The following NRXN3 variants were observed in gnomAD, a reference collection of about 807,000 sequenced individuals.
NRXN3 encodes neurexin III.
A neutral mutation model predicts 137.6 loss-of-function variants in NRXN3; 32 were observed. That is an observed-to-expected ratio of 0.23 (90% CI 0.18 to 0.31). The LOEUF (loss-of-function observed/expected upper bound fraction) is 0.31, where lower values mean the gene tolerates loss of function less well. NRXN3 is among the 10% of genes least tolerant of loss of function. The pLI is 1.00. For missense variants in NRXN3, 1,574 were observed against 2,062.5 expected, an observed-to-expected ratio of 0.76 and a Z score of 4.59; for synonymous variants, 798 against 784.5, an observed-to-expected ratio of 1.02 and a Z score of -0.29.
intron 15 of NRXN3, among the ~76,000 whole-genome samples, chr14:79,033,231 G>A (rs774224533): frequency 1.3e-5 from 2 of 151,906 alleles, no homozygotes; most frequent in Non-Finnish European, 2.9e-5. Context: ...AACCTCTATC[G>A]TACATTTCAC....
intron 16 of NRXN3, among the ~76,000 whole-genome samples, chr14:79,476,984 G>A (rs1468946203): frequency 6.6e-6 from 1 of 152,084 alleles, no homozygotes; most frequent in Non-Finnish European, 1.5e-5. Context: ...ATTTACTTGG[G>A]ATTGTTGGAG....
chr14:78,261,946 A>G (rs549583588), intron 2 of NRXN3, among the ~76,000 whole-genome samples: 1 of 152,364 alleles, frequency 6.6e-6, no homozygotes, highest in South Asian at 2.1e-4. Flanking sequence ...ATGAACTTAC[A>G]AATGAGTGGA....
intron 4 of NRXN3, among the ~76,000 whole-genome samples, chr14:78,315,506 G>A (rs1423775435): frequency 1.3e-5 from 2 of 152,220 alleles, no homozygotes; most frequent in East Asian, 3.9e-4. Context: ...GAACCGAAAG[G>A]AAGTGTATGA....
At chr14:78,801,941 T>G (rs2098840409) in intron 8 of NRXN3, among the ~76,000 whole-genome samples, 1 of 152,230 alleles carries the variant, frequency 6.6e-6, no homozygotes, top group South Asian at 2.1e-4. Context: ...TACAGTTACT[T>G]GTGCATTCTG....
intron 10 of NRXN3, among the ~76,000 whole-genome samples, chr14:78,872,964 C>G (rs1182988781): frequency 6.6e-6 from 1 of 152,194 alleles, no homozygotes; most frequent in Non-Finnish European, 1.5e-5. Context: ...AACAGATTCT[C>G]TGAGTGTGTT....
chr14:79,783,800 G>A (rs1441938405), intron 19 of NRXN3, among the ~76,000 whole-genome samples: 2 of 152,120 alleles, frequency 1.3e-5, no homozygotes, highest in South Asian at 4.1e-4. Flanking sequence ...CACTCATTTT[G>A]TGAGGACAGT....
intron 4 of NRXN3, among the ~76,000 whole-genome samples, chr14:78,438,624 C>G (rs988281969): frequency 6.6e-6 from 1 of 152,116 alleles, no homozygotes; most frequent in Non-Finnish European, 1.5e-5. Context: ...CCTGGCACCT[C>G]GGGGTCTAAG....
chr14:79,274,484 G>A (rs780482742), intron 15 of NRXN3, among the ~76,000 whole-genome samples: 4 of 152,064 alleles, frequency 2.6e-5, no homozygotes, highest in Admixed American at 6.5e-5. Flanking sequence ...CTGAGGATAC[G>A]AAGTTTAGAC....
chr14:78,383,057 G>A (rs2089403543), intron 4 of NRXN3, among the ~76,000 whole-genome samples: 7 of 152,180 alleles, frequency 4.6e-5, no homozygotes, highest in Admixed American at 4.6e-4. Context: ...TAATGAGAAT[G>A]ATTAATCAAA....
At position 78,183,665 on chromosome 14, in the gene NRXN3, A is replaced by G. The variant is rs188176968; in HGVS notation, c.-704+12991A>G. On this transcript the variant is annotated intron_variant, in intron 1 of 20. Coordinates refer to ENST00000335750, the MANE Select transcript of NRXN3 (RefSeq NM_001330195.2). ...TGCCCCGTGAGATAGAGGTTCCTCTATGTTCTGACTGAAATCTCTTCTGGG... is the reference window on the plus strand; with the variant it reads ...TGCCCCGTGAGATAGAGGTTCCTCTGTGTTCTGACTGAAATCTCTTCTGGG... Among the ~76,000 whole-genome samples the G allele has an allele frequency of 1.5e-3, 224 of 152,278 alleles. 4 individuals are homozygous for G. The South Asian group carries it at 0.023, about 16-fold the overall frequency.
In NRXN3 at chr14:78,277,598, A is replaced by G. The variant is rs376930804; in HGVS notation, c.710-1047A>G. Among the ~76,000 whole-genome samples, 104 of 152,272 alleles carry G rather than the reference A, an allele frequency of 6.8e-4. 4 individuals carry two copies. In the South Asian group the frequency reaches 0.02, roughly 29 times the overall value. ...TGTGGCTACTCCAGATCCACCATTC[A>G]GTGATTCTAAGTGAGCTATCCAAGA... is the stretch of plus-strand genomic sequence containing the variant. On this transcript the variant is annotated intron_variant, in intron 2 of 20. Coordinates refer to ENST00000335750, the MANE Select transcript of NRXN3 (RefSeq NM_001330195.2).
chr14:78,813,664 T>C (rs1354414342), intron 10 of NRXN3, among the ~76,000 whole-genome samples: 1 of 151,378 alleles, frequency 6.6e-6, no homozygotes, highest in Non-Finnish European at 1.5e-5. Context: ...CAGCTATTTT[T>C]TTTTCCTGTT....
At chr14:78,506,128 C>T (rs1443288351) in intron 4 of NRXN3, among the ~76,000 whole-genome samples, 2 of 152,116 alleles carry the variant, frequency 1.3e-5, no homozygotes, top group African/African-American at 2.4e-5. Context: ...CCCATTTCTC[C>T]CTCCCCTCCA....
chr14:78,204,211 A>G (rs1366178476), intron 1 of NRXN3, among the ~76,000 whole-genome samples: 1 of 151,790 alleles, frequency 6.6e-6, no homozygotes, highest in Non-Finnish European at 1.5e-5. Context: ...TTTATAATGT[A>G]TTTTTGCTAA....
Position 78,581,429 on chromosome 14 carries a change from TCA to T in NRXN3, c.758-63688_758-63687del, listed in dbSNP as rs1436389316. On this transcript the variant is annotated intron_variant, in intron 4 of 20. Transcript: ENST00000335750. ...TCCTAAGGGGAGGCATACTGTGTCCTCACATAGCTGACCTTTTATAGAGGTTG... is the reference window on the plus strand; with the variant it reads ...TCCTAAGGGGAGGCATACTGTGTCCTCATAGCTGACCTTTTATAGAGGTTG... Among the ~76,000 whole-genome samples the T allele has an allele frequency of 3.9e-5, 6 of 152,278 alleles. No individual in the cohort carries two copies. The East Asian group carries it at 1.2e-3, about 29-fold the overall frequency.
chr14:79,152,909 T>G (rs1430686120), intron 15 of NRXN3, among the ~76,000 whole-genome samples: 2 of 152,018 alleles, frequency 1.3e-5, no homozygotes, highest in South Asian at 4.1e-4. Context: ...TGAGGACAGT[T>G]AGGAGACCCT....
At chr14:78,342,015 A>T (rs181152646) in intron 4 of NRXN3, among the ~76,000 whole-genome samples, 1 of 152,282 alleles carries the variant, frequency 6.6e-6, no homozygotes, top group African/African-American at 2.4e-5. Flanking sequence ...TAAAATACTC[A>T]TGTTACTGAA....
chr14:78,315,147 G>C (rs1420777932), intron 4 of NRXN3, among the ~76,000 whole-genome samples: 1 of 151,650 alleles, frequency 6.6e-6, no homozygotes, highest in Non-Finnish European at 1.5e-5. Context: ...GAGTACCTGG[G>C]ATTACAGGCG....
intron 10 of NRXN3, among the ~76,000 whole-genome samples, chr14:78,924,144 G>A (rs769288134): frequency 7.2e-5 from 11 of 152,212 alleles, no homozygotes; most frequent in Non-Finnish European, 1.5e-4. Context: ...AGCTACTTGG[G>A]AGGCTGAGGC....
Sources: allele counts gnomAD v4.1 joint callset (sites outside exome capture counted in the v4.1 genomes callset), GRCh38; gene constraint gnomAD v4.1.1; transcripts MANE v1.5; gene names NCBI Gene and HGNC (gene_info 2026-07-23, HGNC 2026-07-21).